SLC25A32: variants seen among roughly 807,000 people sequenced by gnomAD.
The protein encoded by SLC25A32 is solute carrier family 25 member 32.
In SLC25A32, 32 loss-of-function variants were observed where a neutral mutation model predicts 39.0. The ratio of observed to expected loss-of-function variants is 0.82; its 90% CI spans 0.62 to 1.10. SLC25A32 has a LOEUF of 1.10. Among genes scored for constraint, SLC25A32 ranks in the 50% least tolerant of loss-of-function variants. The probability of loss-of-function intolerance (pLI) is 0.00; values close to 1 mark genes in which losing one functional copy is unlikely to be tolerated. For synonymous variants in SLC25A32, 166 were observed against 152.4 expected, an observed-to-expected ratio of 1.09 and a Z score of -0.66; for missense variants, 367 against 395.3, an observed-to-expected ratio of 0.93 and a Z score of 0.61.
At chr8:103,405,180 A>G (rs1420698875) in intron 2 of SLC25A32, among the ~76,000 whole-genome samples, 1 of 152,194 alleles carries the variant, frequency 6.6e-6, no homozygotes, top group Non-Finnish European at 1.5e-5. Flanking sequence ...ATAAAAGACA[A>G]AAGGGACCAA....
rs1358369726 is a variant in SLC25A32 at position 103,398,954 on chromosome 8, T to C, written c.*1457A>G. 1 of 152,250 alleles carries C rather than the reference T, an allele frequency of 6.6e-6. No individual in the cohort carries two copies. Among genetic ancestry groups the C allele is most frequent in the Admixed American group, 6.5e-5 (1 of 15,292 alleles). 9.4% of individuals were successfully genotyped at this position (152,250 alleles called of 1,614,324 possible). A position where few individuals can be genotyped will look rare whatever the true frequency, so the allele number is the denominator to read the frequency against. On this transcript the variant is annotated 3_prime_UTR_variant, in exon 7 of 7. Transcript: ENST00000297578. ...AAAAAGACCTATTTTTAAAGAACTA[T>C]TTAAAGATGGCTTTGAAAACAACAC...
rs1159405317 is a variant in SLC25A32, at chr8:103,403,216, A to G, written c.500T>C (p.Phe167Ser). 6.2e-7 allele frequency: 1 copy of G among 1,612,622 alleles called. No individual in the cohort carries two copies. Among genetic ancestry groups the G allele is most frequent in the Non-Finnish European group, 8.5e-7 (1 of 1,179,012 alleles). ...NSPHRQYKGM[F>S]DTLVKIYKYE... ...CTTATATATTTTCACAAGTGTATCA[A>G]ACATTCCTTTATATTGTCGGTGTGG... The change falls in exon 4 of 7, where the codon TTT becomes TCT. Residue 167 changes from phenylalanine to serine, a missense_variant. Coordinates refer to ENST00000297578, the MANE Select transcript of SLC25A32 (RefSeq NM_030780.5).
Position 103,407,366 on chromosome 8 carries a change from T to C in SLC25A32, c.305+268A>G, listed in dbSNP as rs183133822. 1.5e-3 allele frequency among the ~76,000 whole-genome samples: 235 copies of C among 152,350 alleles called. 2 individuals are homozygous for C. Among genetic ancestry groups the C allele is most frequent in the Admixed American group, 0.014 (220 of 15,300 alleles). ...ACCTCATCTCTTTGCCTTTTTCCTA[T>C]TAAGAATTTTCTTCCAGACCAAATA... On this transcript the variant is annotated intron_variant, in intron 2 of 6. Transcript: ENST00000297578.
intron 3 of SLC25A32, among the ~76,000 whole-genome samples, 199 bp downstream of exon 3, chr8:103,404,577 A>G (rs973840363): frequency 2.0e-4 from 31 of 152,044 alleles, no homozygotes; most frequent in African/African-American, 6.8e-4. Context: ...CCTGGGCGAC[A>G]AGAGCGAAAC....
chr8:103,399,241 T>G lies in SLC25A32; in HGVS notation c.*1170A>C, dbSNP rs546016499. The G allele has an allele frequency of 6.6e-6, 1 of 152,356 alleles. No homozygotes were observed. Among genetic ancestry groups the G allele is most frequent in the South Asian group, 2.1e-4 (1 of 4,834 alleles). The allele number at this position is 152,356 out of a possible 1,614,324, so 9.4% of individuals were successfully genotyped here. Reference sequence around the variant, plus strand: ...AAGTATAAAGTTTCTCATTTCCATTTACCTTGTCAACAAACATATCCCAAA... The same window carrying G: ...AAGTATAAAGTTTCTCATTTCCATTGACCTTGTCAACAAACATATCCCAAA... On this transcript the variant is annotated 3_prime_UTR_variant, in exon 7 of 7. Coordinates refer to ENST00000297578, the MANE Select transcript of SLC25A32 (RefSeq NM_030780.5).
At chr8:103,412,268 T>C (rs1009396261) in intron 1 of SLC25A32, among the ~76,000 whole-genome samples, 1 of 152,216 alleles carries the variant, frequency 6.6e-6, no homozygotes, top group African/African-American at 2.4e-5. Flanking sequence ...TCCTTAATAT[T>C]TTGGATGTAG....
chr8:103,404,838 TTA>T lies in SLC25A32; in HGVS notation c.327_328del (p.Tyr109Ter). On this transcript the variant is annotated stop_gained and frameshift_variant, in exon 3 of 7. Transcript: ENST00000297578. LOFTEE classifies it high-confidence loss of function. ...TAAACGTTCAGCTCTTCCTTCTGTT[TTA>T]TATGACTTGATGGCATTGTAACTAA... 1.2e-6 allele frequency: 2 copies of T among 1,612,370 alleles called. No homozygotes were observed. Among genetic ancestry groups the T allele is most frequent in the African/African-American group, 1.3e-5 (1 of 75,024 alleles).
intron 3 of SLC25A32, 45 bp downstream of exon 3, chr8:103,404,731 T>C: frequency 7.0e-7 from 1 of 1,425,232 alleles, no homozygotes; most frequent in Non-Finnish European, 9.8e-7. Context: ...AAACTGAAAA[T>C]TAAGTTTGGA....
intron 2 of SLC25A32, among the ~76,000 whole-genome samples, chr8:103,405,089 A>T (rs1257236151): frequency 3.3e-5 from 5 of 152,192 alleles, no homozygotes; most frequent in Non-Finnish European, 7.3e-5. Context: ...AAAATATTTT[A>T]ATCAGACACT....
rs905362650 is a variant in SLC25A32, at chr8:103,398,687, G to A, written c.*1724C>T. ...TGTTTTATTCATTTGGGAGTACATA[G>A]GCGGTATTTAAACAATGGTGCTATC... is the stretch of plus-strand genomic sequence containing the variant. On this transcript the variant is annotated 3_prime_UTR_variant, in exon 7 of 7. Transcript: ENST00000297578. 1 of 152,192 alleles carries A rather than the reference G, an allele frequency of 6.6e-6. No individual in the cohort carries two copies. Among genetic ancestry groups the A allele is most frequent in the African/African-American group, 2.4e-5 (1 of 41,440 alleles). The allele number at this position is 152,192 out of a possible 1,614,324, so 9.4% of individuals were successfully genotyped here.
chr8:103,414,617 C>T, intron 1 of SLC25A32, 167 bp downstream of exon 1: 1 of 933,214 alleles, frequency 1.1e-6, no homozygotes, highest in Non-Finnish European at 1.6e-6. Flanking sequence ...GATCGCAGGC[C>T]GACCCCTCCA....
At chr8:103,400,673 T>C (rs1563716343) in intron 6 of SLC25A32, 127 bp from the exon 7 acceptor site, 12 of 935,240 alleles carry the variant, frequency 1.3e-5, no homozygotes, top group Middle Eastern at 2.2e-4. Context: ...GTTCATGTTT[T>C]CAATGTCCTA....
intron 2 of SLC25A32, 73 bp downstream of exon 2, chr8:103,407,561 T>G: frequency 8.3e-7 from 1 of 1,205,800 alleles, no homozygotes; most frequent in Non-Finnish European, 1.1e-6. Flanking sequence ...CATTTTACAT[T>G]TACATGTAAA....
intron 1 of SLC25A32, among the ~76,000 whole-genome samples, chr8:103,414,001 G>A (rs564054619): frequency 1.3e-5 from 2 of 152,314 alleles, no homozygotes; most frequent in South Asian, 4.1e-4. Context: ...TACTTCTGTA[G>A]CCCATACAGC....
At position 103,414,775 on chromosome 8, in the gene SLC25A32, G is replaced by C; in HGVS notation, c.154+9C>G. On this transcript the variant is annotated intron_variant, in intron 1 of 6. Coordinates refer to ENST00000297578, the MANE Select transcript of SLC25A32 (RefSeq NM_030780.5). ...GAGGATGCAGCCCGGTGTCTGGGCG[G>C]GCTCTTACCGGCGAAGCGGATCTTC... is the stretch of plus-strand genomic sequence containing the variant. 1.2e-6 allele frequency: 2 copies of C among 1,613,600 alleles called. No individual in the cohort carries two copies. The highest frequency in any genetic ancestry group is 1.7e-6 in the Non-Finnish European group (2 of 1,179,998).
chr8:103,408,267 G>T (rs6989553), intron 1 of SLC25A32, among the ~76,000 whole-genome samples: 2 of 151,932 alleles, frequency 1.3e-5, no homozygotes, highest in East Asian at 3.9e-4. Context: ...GATTACAGGT[G>T]TGAGCCACTA....
intron 1 of SLC25A32, among the ~76,000 whole-genome samples, chr8:103,410,674 CA>C (rs972530424): frequency 6.6e-6 from 1 of 152,076 alleles, no homozygotes; most frequent in Non-Finnish European, 1.5e-5. Context: ...AAACATTTGC[CA>C]CTAATGAATT....
chr8:103,406,676 C>G lies in SLC25A32; in HGVS notation c.305+958G>C, dbSNP rs1304833264. On this transcript the variant is annotated intron_variant, in intron 2 of 6. Transcript: ENST00000297578. ...ACAAGAAGAAACAATTTGCCTCAAA[C>G]CCTTTAGGCCATGCACTGGCTTTTG... 5.3e-5 allele frequency among the ~76,000 whole-genome samples: 8 copies of G among 152,320 alleles called. No individual in the cohort carries two copies. In the East Asian group the frequency reaches 1.5e-3, roughly 29 times the overall value.
At position 103,401,611 on chromosome 8, in the gene SLC25A32, G is replaced by A. The variant is rs372532340; in HGVS notation, c.717C>T (p.Val239=). The A allele has an allele frequency of 1.4e-5, 23 of 1,613,084 alleles. No homozygotes were observed. Among genetic ancestry groups the A allele is most frequent in the East Asian group, 6.7e-5 (3 of 44,856 alleles). Residue 239 remains valine (V), a synonymous_variant, in exon 6 of 7, where the codon GTC becomes GTT. Coordinates refer to ENST00000297578, the MANE Select transcript of SLC25A32 (RefSeq NM_030780.5). ...CGACTTGATATGGGTATGTTGCTGC[G>A]ACAGCAAATATTTTGGATAGTGCTG... ...SVAALSKIFA[V]AATYPYQVVR... is the part of the protein sequence containing the mutation.
Sources: gnomAD v4.1 joint callset for allele counts (sites outside exome capture counted in the v4.1 genomes callset) on GRCh38, gnomAD v4.1.1 for gene constraint, MANE v1.5 for transcripts, NCBI Gene and HGNC (gene_info 2026-07-23, HGNC 2026-07-21) for gene names.